The following NRXN1 variants were observed in gnomAD, a reference collection of about 807,000 sequenced individuals.
The protein encoded by NRXN1 is neurexin 1.
In NRXN1, 39 loss-of-function variants were observed where a neutral mutation model predicts 150.9. The observed-to-expected ratio is 0.26, with a 90% CI of 0.20 to 0.34. The LOEUF is 0.34. Ranked by LOEUF, NRXN1 falls within the 10% of genes least tolerant of loss-of-function variation. NRXN1 has a pLI of 1.00. For missense variants in NRXN1, 1,815 were observed against 1,949.9 expected (o/e 0.93, Z 1.30); for synonymous variants, 924 against 757.0 (o/e 1.22, Z -3.62).
rs928225199 is a variant in NRXN1 at position 50,112,434 on chromosome 2, A to G, written c.3547-20940T>C. Among the ~76,000 whole-genome samples the G allele has an allele frequency of 2.0e-5, 3 of 152,354 alleles. No individual in the cohort carries two copies. The South Asian group carries it at 6.2e-4, about 32-fold the overall frequency. ...TTCGTTGTTCAGCCTTCTCCGGTAG[A>G]CAGAGACAAATCCGTGTTACACAAG... On this transcript the variant is annotated intron_variant, in intron 18 of 22. Coordinates refer to ENST00000401669, the MANE Select transcript of NRXN1 (RefSeq NM_001330078.2).
intron 8 of NRXN1, among the ~76,000 whole-genome samples, chr2:50,571,384 A>C (rs2105459841): frequency 1.3e-5 from 2 of 152,272 alleles, no homozygotes; most frequent in South Asian, 4.1e-4. Flanking sequence ...CTACATTCTT[A>C]GACACAATGA....
chr2:50,559,387 C>T (rs1195906295), intron 8 of NRXN1, among the ~76,000 whole-genome samples: 1 of 152,150 alleles, frequency 6.6e-6, no homozygotes, highest in Non-Finnish European at 1.5e-5. Context: ...AATTATGTTT[C>T]AATTCTGACA....
At chr2:50,237,528 A>G (rs1015263265) in intron 17 of NRXN1, among the ~76,000 whole-genome samples, 1 of 151,854 alleles carries the variant, frequency 6.6e-6, no homozygotes, top group Non-Finnish European at 1.5e-5. Context: ...GAAAATACAG[A>G]TAATAGATGT....
chr2:50,750,801 T>C (rs937003235), intron 5 of NRXN1, among the ~76,000 whole-genome samples: 1 of 152,050 alleles, frequency 6.6e-6, no homozygotes, highest in African/African-American at 2.4e-5. Flanking sequence ...TTCACCTTTG[T>C]AGTTTCAATG....
chr2:50,840,176 A>C (rs970032724), intron 5 of NRXN1, among the ~76,000 whole-genome samples: 1 of 152,122 alleles, frequency 6.6e-6, no homozygotes. Flanking sequence ...AATAGTTACA[A>C]ATGTTTGTTA....
chr2:50,726,467 A>G (rs545535160), intron 5 of NRXN1, among the ~76,000 whole-genome samples: 1 of 152,256 alleles, frequency 6.6e-6, no homozygotes, highest in Non-Finnish European at 1.5e-5. Flanking sequence ...GATAATAATG[A>G]TAAGGAGGAT....
chr2:50,566,362 G>C (rs1287025944), intron 8 of NRXN1, among the ~76,000 whole-genome samples: 1 of 151,112 alleles, frequency 6.6e-6, no homozygotes, highest in Non-Finnish European at 1.5e-5. Context: ...TCATGCCTCA[G>C]CCTCCCAAGT....
intron 2 of NRXN1, among the ~76,000 whole-genome samples, chr2:51,022,050 AAC>A (rs1199433706): frequency 1.3e-5 from 2 of 152,188 alleles, no homozygotes; most frequent in East Asian, 3.9e-4. Flanking sequence ...TATAAACTGA[AAC>A]TTTAGGCAGG....
rs1006402805 is a variant in NRXN1 at position 50,340,226 on chromosome 2, C to T, written c.3365-103256G>A. Among the ~76,000 whole-genome samples the T allele has an allele frequency of 2.0e-5, 3 of 152,132 alleles. No individual in the cohort carries two copies. The East Asian group carries it at 5.8e-4, about 29-fold the overall frequency. ...TACTTAAAAGATAGCTGTTTTCACT[C>T]AGTTCTGTCAAAAGCTTGAGGGAAT... On this transcript the variant is annotated intron_variant, in intron 17 of 22. Coordinates refer to ENST00000401669, the MANE Select transcript of NRXN1 (RefSeq NM_001330078.2).
intron 5 of NRXN1, among the ~76,000 whole-genome samples, chr2:50,893,138 T>A (rs1240422398): frequency 6.6e-6 from 1 of 152,136 alleles, no homozygotes; most frequent in African/African-American, 2.4e-5. Context: ...CTTTTATCAC[T>A]CATAATTGCT....
intron 17 of NRXN1, among the ~76,000 whole-genome samples, chr2:50,345,230 T>C (rs1408307523): frequency 6.6e-6 from 1 of 152,192 alleles, no homozygotes; most frequent in African/African-American, 2.4e-5. Flanking sequence ...CCCACAGGGA[T>C]GTGTTTTTTC....
rs1357939394 is a variant in NRXN1, at chr2:50,648,790, C to T, written c.833-25175G>A. Among the ~76,000 whole-genome samples, 10 of 151,972 alleles carry T rather than the reference C, an allele frequency of 6.6e-5. 1 individual carries two copies. The South Asian group carries it at 1.9e-3, about 28-fold the overall frequency. ...CCCATGCTTCTACCCCACTTCTACC[C>T]ACCGTGCTGAACTGCGAAGCCAAGG... On this transcript the variant is annotated intron_variant, in intron 5 of 22. Coordinates refer to ENST00000401669, the MANE Select transcript of NRXN1 (RefSeq NM_001330078.2).
At chr2:50,887,038 G>C (rs1171510288) in intron 5 of NRXN1, among the ~76,000 whole-genome samples, 3 of 151,342 alleles carry the variant, frequency 2.0e-5, no homozygotes, top group Non-Finnish European at 4.4e-5. Context: ...TTAATGTATA[G>C]TTGTTAGTCT....
intron 18 of NRXN1, among the ~76,000 whole-genome samples, chr2:50,165,644 C>T (rs748280296): frequency 1.3e-4 from 20 of 152,186 alleles, no homozygotes; most frequent in African/African-American, 2.9e-4. Flanking sequence ...CCACCCACCG[C>T]GCCCAGCCAG....
At chr2:50,007,198 TAGCC>T (rs1292567060) in intron 21 of NRXN1, among the ~76,000 whole-genome samples, 1 of 128,388 alleles carries the variant, frequency 7.8e-6, no homozygotes, top group Admixed American at 8.9e-5. Context: ...AAATAATAAT[TAGCC>T]AGACATAGTA....
intron 5 of NRXN1, among the ~76,000 whole-genome samples, chr2:50,850,486 G>C (rs143465797): frequency 2.6e-5 from 4 of 152,038 alleles, no homozygotes; most frequent in Non-Finnish European, 4.4e-5. Flanking sequence ...TTTCTTTCTT[G>C]CTTCAGTCAC....
intron 5 of NRXN1, among the ~76,000 whole-genome samples, chr2:50,837,851 G>A (rs914257344): frequency 1.3e-5 from 2 of 152,106 alleles, no homozygotes; most frequent in Admixed American, 1.3e-4. Context: ...AGGAAATACA[G>A]AAAACTTGAA....
At chr2:50,298,046 A>G (rs1455524761) in intron 17 of NRXN1, among the ~76,000 whole-genome samples, 1 of 152,058 alleles carries the variant, frequency 6.6e-6, no homozygotes, top group Admixed American at 6.5e-5. Flanking sequence ...AATCGGCTTA[A>G]TTTTAATATT....
intron 18 of NRXN1, among the ~76,000 whole-genome samples, chr2:50,190,154 G>A (rs1351253981): frequency 6.6e-6 from 1 of 151,996 alleles, no homozygotes; most frequent in African/African-American, 2.4e-5. Context: ...TCATGAAAAT[G>A]GTAAATATCA....
Sources: gnomAD v4.1 joint callset for allele counts (sites outside exome capture counted in the v4.1 genomes callset) on GRCh38, gnomAD v4.1.1 for gene constraint, MANE v1.5 for transcripts, NCBI Gene and HGNC (gene_info 2026-07-23, HGNC 2026-07-21) for gene names.